TNKS1BP1: variants seen among roughly 807,000 people sequenced by gnomAD.
TNKS1BP1 encodes 182 kDa tankyrase-1-binding protein.
In TNKS1BP1, 48 loss-of-function variants were observed where a neutral mutation model predicts 141.1. That is an observed-to-expected ratio of 0.34 (90% CI 0.27 to 0.43). The LOEUF (loss-of-function observed/expected upper bound fraction) is 0.43, where lower values mean the gene tolerates loss of function less well. Among genes scored for constraint, TNKS1BP1 ranks in the 20% least tolerant of loss-of-function variants. TNKS1BP1 has a pLI of 1.00. For missense variants in TNKS1BP1, 2,149 were observed against 2,226.0 expected, an observed-to-expected ratio of 0.97 and a Z score of 0.70; for synonymous variants, 875 against 898.2, an observed-to-expected ratio of 0.97 and a Z score of 0.46.
chr11:57,320,141 C>T lies in TNKS1BP1; in HGVS notation c.666G>A (p.Gln222=). 1 of 1,614,210 alleles carries T rather than the reference C, an allele frequency of 6.2e-7. No individual in the cohort carries two copies. Among genetic ancestry groups the T allele is most frequent in the Non-Finnish European group, 8.5e-7 (1 of 1,180,034 alleles). ...DGSTLFRGWS[Q]EGPVKSPAEC... is the part of the protein sequence containing the mutation. ...CTGCTGGAGACTTTACTGGCCCCTC[C>T]TGGGACCATCCCCTGAAGAGGGTGC... Residue 222 remains glutamine, a synonymous_variant, in exon 3 of 12, where the codon CAG becomes CAA. Transcript: ENST00000358252.
intron 4 of TNKS1BP1, among the ~76,000 whole-genome samples, chr11:57,314,677 G>C (rs865906725): frequency 6.6e-6 from 1 of 152,230 alleles, no homozygotes; most frequent in Non-Finnish European, 1.5e-5. Flanking sequence ...GGCAGAGAGT[G>C]GGGAGGACGT....
In TNKS1BP1 at chr11:57,320,314, G is replaced by C. The variant is rs1052129055; in HGVS notation, c.493C>G (p.Leu165Val). The change falls in exon 3 of 12, where the codon CTG becomes GTG. Residue 165 changes from leucine (L) to valine (V), a missense_variant. Physicochemically the swap from Leu to Val is conservative, Grantham distance 32. Coordinates refer to ENST00000358252, the MANE Select transcript of TNKS1BP1 (RefSeq NM_033396.3). ...TTCCGAGGCTGCTCCATCTTGGCCAGGATCTCTTCCACCGTGGTGGCCGCG... is the reference window on the plus strand; with the variant it reads ...TTCCGAGGCTGCTCCATCTTGGCCACGATCTCTTCCACCGTGGTGGCCGCG... ...RFAATTVEEI[L>V]AKMEQPRKEV... 1 of 1,614,208 alleles carries C rather than the reference G, an allele frequency of 6.2e-7. No homozygotes were observed. Among genetic ancestry groups the C allele is most frequent in the Non-Finnish European group, 8.5e-7 (1 of 1,180,054 alleles).
chr11:57,307,826 G>C (rs555171492), intron 6 of TNKS1BP1, among the ~76,000 whole-genome samples: 1 of 152,338 alleles, frequency 6.6e-6, no homozygotes, highest in African/African-American at 2.4e-5. Context: ...TTTGCACAGA[G>C]GCCAAGGTCA....
intron 6 of TNKS1BP1, among the ~76,000 whole-genome samples, chr11:57,308,007 C>T (rs981621960): frequency 2.0e-5 from 3 of 152,292 alleles, no homozygotes; most frequent in Admixed American, 6.5e-5. Context: ...AATTCTCTGC[C>T]CTATACCTAT....
Position 57,309,079 on chromosome 11 carries a change from C to A in TNKS1BP1, c.3632G>T (p.Ser1211Ile). ...TCCCCCCGGCTCTTCAGACCCTCCACTTTCCAAACAGCCGGTCAGGTTCAT... is the reference window on the plus strand; with the variant it reads ...TCCCCCCGGCTCTTCAGACCCTCCAATTTCCAAACAGCCGGTCAGGTTCAT... Reference protein sequence around the residue: ...RDMNLTGCLESGGSEEPGGIG... With the variant: ...RDMNLTGCLEIGGSEEPGGIG... Residue 1211 changes from serine to isoleucine, a missense_variant, in exon 6 of 12, where the codon AGT becomes ATT. Ser to Ile is a moderately radical substitution (Grantham distance 142). Transcript: ENST00000358252. This position sits in a 1 kb window ranked among gnomAD's most constrained non-coding sequence, Gnocchi z 4.3. 6.2e-7 allele frequency: 1 copy of A among 1,614,190 alleles called. No homozygotes were observed. The highest frequency in any genetic ancestry group is 1.1e-5 in the South Asian group (1 of 91,082).
chr11:57,307,876 C>T (rs1855637110), intron 6 of TNKS1BP1, among the ~76,000 whole-genome samples: 1 of 152,188 alleles, frequency 6.6e-6, no homozygotes, highest in Non-Finnish European at 1.5e-5. Context: ...CTTGAACTTG[C>T]TATTCCAGGC....
chr11:57,324,429 G>A (rs1187095628), intron 1 of TNKS1BP1, among the ~76,000 whole-genome samples: 1 of 151,640 alleles, frequency 6.6e-6, no homozygotes, highest in East Asian at 2.0e-4. Flanking sequence ...AACAGACGGT[G>A]GGCTGCAGAC....
chr11:57,323,281 C>G (rs1005506890), intron 1 of TNKS1BP1, among the ~76,000 whole-genome samples: 1 of 152,142 alleles, frequency 6.6e-6, no homozygotes, highest in Non-Finnish European at 1.5e-5. Flanking sequence ...GTCCTGTCAC[C>G]TGTTCTTCAG....
chr11:57,321,050 A>T (rs895835940), intron 2 of TNKS1BP1, among the ~76,000 whole-genome samples: 1 of 152,212 alleles, frequency 6.6e-6, no homozygotes, highest in African/African-American at 2.4e-5. Context: ...TGAACAAATG[A>T]GCCAATAAAC....
At chr11:57,322,349 G>C (rs1368124282) in intron 1 of TNKS1BP1, 44 of 985,626 alleles carry the variant, frequency 4.5e-5, no homozygotes, top group Non-Finnish European at 4.9e-5. Flanking sequence ...ACGGGAGACG[G>C]GAAAAACCCG....
At chr11:57,322,347 C>T (rs1379031132) in intron 1 of TNKS1BP1, 10 of 985,494 alleles carry the variant, frequency 1.0e-5, no homozygotes, top group South Asian at 4.7e-5. Context: ...TCACGGGAGA[C>T]GGGAAAAACC....
At chr11:57,300,698 G>A in intron 10 of TNKS1BP1, 98 bp from the exon 11 acceptor site, 1 of 1,546,368 alleles carries the variant, frequency 6.5e-7, no homozygotes, top group Non-Finnish European at 8.9e-7. Flanking sequence ...CTAACCAGAA[G>A]AGGCAGTCTG....
rs1308785602 is a variant in TNKS1BP1 at position 57,310,441 on chromosome 11, C to T, written c.2270G>A (p.Gly757Asp). The T allele has an allele frequency of 4.3e-6, 7 of 1,613,744 alleles. No homozygotes were observed. Among genetic ancestry groups the T allele is most frequent in the Non-Finnish European group, 5.9e-6 (7 of 1,180,046 alleles). ...TCCTCTAGGGCTTGCACCCCCAAGG[C>T]CATAGTCCTGAGAAGCACCTTGACA... ...SWCQGASQDY[G>D]LGGASPRGDP... Residue 757 changes from glycine to aspartate, a missense_variant, in exon 6 of 12, where the codon GGC (glycine) becomes GAC (aspartate). Gly to Asp is a moderately conservative substitution (Grantham distance 94). Coordinates refer to ENST00000358252, the MANE Select transcript of TNKS1BP1 (RefSeq NM_033396.3).
chr11:57,310,703 C>G, intron 5 of TNKS1BP1, 147 bp from the exon 6 acceptor site: 1 of 1,024,226 alleles, frequency 9.8e-7, no homozygotes, highest in East Asian at 2.5e-5. Flanking sequence ...AATCACTTAA[C>G]CACTCTGGGT....
intron 6 of TNKS1BP1, among the ~76,000 whole-genome samples, chr11:57,304,040 C>G (rs2134347305): frequency 6.6e-6 from 1 of 152,210 alleles, no homozygotes; most frequent in South Asian, 2.1e-4. Flanking sequence ...TGTCACTCCC[C>G]CAGATGGACC....
chr11:57,320,103 T>C lies in TNKS1BP1; in HGVS notation c.704A>G (p.Glu235Gly), dbSNP rs200002676. ...PVKSPAECRE[E>G]HSKTPEERSL... ...CCTCTCCTCAGGGGTCTTGCTGTGC[T>C]CTTCCCGGCACTCTGCTGGAGACTT... is the stretch of plus-strand genomic sequence containing the variant. Residue 235 changes from glutamate to glycine, a missense_variant, in exon 3 of 12, where the codon GAG becomes GGG. Physicochemically the swap from Glu to Gly is moderately conservative, Grantham distance 98 (BLOSUM62 -2). Transcript: ENST00000358252. 37 of 1,581,382 alleles carry C rather than the reference T, an allele frequency of 2.3e-5. No homozygotes were observed. The African/African-American group carries it at 3.5e-4, about 15-fold the overall frequency.
At position 57,313,040 on chromosome 11, in the gene TNKS1BP1, T is replaced by C. The variant is rs1855738515; in HGVS notation, c.1648A>G (p.Met550Val). ...CCATCGCCCTTCTGGGTGAGGGACA[T>C]GCTTGGATCATCCCCCTGCACCCAG... ...SSWVQGDDPS[M>V]SLTQKGDGES... The change falls in exon 5 of 12, where the codon ATG (methionine) becomes GTG (valine). Residue 550 changes from methionine (M) to valine (V), a missense_variant. By Grantham distance (21) the Met-to-Val change is conservative. Transcript: ENST00000358252. 2 of 1,613,908 alleles carry C rather than the reference T, an allele frequency of 1.2e-6. No individual in the cohort carries two copies. Among genetic ancestry groups the C allele is most frequent in the Non-Finnish European group, 1.7e-6 (2 of 1,180,022 alleles).
chr11:57,309,063 C>T lies in TNKS1BP1; in HGVS notation c.3648G>A (p.Glu1216=). The T allele has an allele frequency of 3.7e-6, 6 of 1,614,200 alleles. No individual in the cohort carries two copies. Among genetic ancestry groups the T allele is most frequent in the Non-Finnish European group, 5.1e-6 (6 of 1,180,036 alleles). Residue 1216 remains glutamate (E), a synonymous_variant, in exon 6 of 12, where the codon GAG becomes GAA. Transcript: ENST00000358252. This position sits in a 1 kb window ranked among gnomAD's most constrained non-coding sequence, Gnocchi z 4.3. ...TCTCCCCAACTCCGATTCCCCCCGG[C>T]TCTTCAGACCCTCCACTTTCCAAAC... ...TGCLESGGSE[E]PGGIGVGEKD...
chr11:57,302,980 A>G lies in TNKS1BP1; in HGVS notation c.4317-155T>C. Reference sequence around the variant, plus strand: ...CTCCAAGGACACGGTCAGGGCCTTGAGCAACACAGCACACAGGTGAAGAGC... The same window carrying G: ...CTCCAAGGACACGGTCAGGGCCTTGGGCAACACAGCACACAGGTGAAGAGC... On this transcript the variant is annotated intron_variant, in intron 6 of 11. Transcript: ENST00000358252. The surrounding 1 kb of genome is among the most constrained non-coding windows in gnomAD (Gnocchi z 5.5). 1.1e-6 allele frequency: 1 copy of G among 888,822 alleles called. No individual in the cohort carries two copies. The highest frequency in any genetic ancestry group is 1.6e-6 in the Non-Finnish European group (1 of 620,252). The allele number at this position is 888,822 out of a possible 1,614,324, so 55.1% of individuals were successfully genotyped here.
Sources: allele counts gnomAD v4.1 joint callset (sites outside exome capture counted in the v4.1 genomes callset), GRCh38; gene constraint gnomAD v4.1.1; non-coding constraint Gnocchi (gnomAD v3.1); transcripts MANE v1.5; gene names NCBI Gene and HGNC (gene_info 2026-07-23, HGNC 2026-07-21).